The following PLOD2 variants were observed in gnomAD, a reference collection of about 807,000 sequenced individuals.
The protein encoded by PLOD2 is procollagen-lysine,2-oxoglutarate 5-dioxygenase 2.
Under a neutral mutation model 101.0 loss-of-function variants are expected in PLOD2, and 65 were observed. The ratio of observed to expected loss-of-function variants is 0.64; its 90% CI spans 0.53 to 0.79. The LOEUF (loss-of-function observed/expected upper bound fraction) is 0.79. Ranked by LOEUF, PLOD2 falls within the 30% of genes least tolerant of loss-of-function variation. The pLI, the probability that PLOD2 is intolerant of heterozygous loss-of-function variation, is 0.00. For synonymous variants in PLOD2, 314 were observed against 302.9 expected (o/e 1.04, Z -0.38); for missense variants, 909 against 914.6 (o/e 0.99, Z 0.08).
intron 8 of PLOD2, among the ~76,000 whole-genome samples, chr3:146,090,127 CAT>C (rs1211827053): frequency 6.6e-6 from 1 of 150,536 alleles, no homozygotes. Context: ...TATGTATATT[CAT>C]ATATATATGT....
intron 1 of PLOD2, among the ~76,000 whole-genome samples, chr3:146,151,428 C>T (rs1315710386): frequency 5.3e-5 from 8 of 151,932 alleles, no homozygotes; most frequent in South Asian, 2.1e-4. Context: ...ACCCGAGAGG[C>T]GGAGGTTGCA....
intron 1 of PLOD2, among the ~76,000 whole-genome samples, chr3:146,143,520 C>T (rs1057159930): frequency 3.3e-5 from 5 of 152,026 alleles, no homozygotes; most frequent in African/African-American, 1.2e-4. Flanking sequence ...AACCTAGGCA[C>T]CATCCTCTTC....
At chr3:146,143,304 T>C (rs1462855589) in intron 1 of PLOD2, among the ~76,000 whole-genome samples, 1 of 150,392 alleles carries the variant, frequency 6.6e-6, no homozygotes. Context: ...AGTGAGAATA[T>C]AAAAAAAAAG....
intron 1 of PLOD2, among the ~76,000 whole-genome samples, chr3:146,156,841 C>T (rs754455958): frequency 1.3e-5 from 2 of 152,204 alleles, no homozygotes; most frequent in Non-Finnish European, 2.9e-5. Flanking sequence ...GGGGCACAGG[C>T]CCCTCTTCTA....
chr3:146,117,812 T>A (rs1937980507), intron 3 of PLOD2, among the ~76,000 whole-genome samples: 1 of 152,072 alleles, frequency 6.6e-6, no homozygotes, highest in African/African-American at 2.4e-5. Flanking sequence ...TCCTAAAGTA[T>A]CATCTAAATC....
chr3:146,134,876 A>G (rs2031138249), intron 1 of PLOD2, among the ~76,000 whole-genome samples: 1 of 152,222 alleles, frequency 6.6e-6, no homozygotes, highest in South Asian at 2.1e-4. Context: ...TTTATTCTTC[A>G]TAACGGAAAA....
At chr3:146,136,150 A>T (rs2031217222) in intron 1 of PLOD2, among the ~76,000 whole-genome samples, 1 of 152,198 alleles carries the variant, frequency 6.6e-6, no homozygotes, top group Admixed American at 6.5e-5. Context: ...CACACTTCAG[A>T]AATGCCTTCT....
In PLOD2 at chr3:146,102,745, T is replaced by C. The variant is rs779753521; in HGVS notation, c.777+10A>G. The stretch of plus-strand genomic sequence containing the variant: ...CAAGAATTGGCCAAATAAAAGTAAC[T>C]GTTACTTACCTTGGTGGGTCCATTT... On this transcript the variant is annotated intron_variant, in intron 7 of 19. Coordinates refer to ENST00000282903, the MANE Select transcript of PLOD2 (RefSeq NM_182943.3). 1.5e-6 allele frequency: 2 copies of C among 1,352,706 alleles called. No homozygotes were observed. Among genetic ancestry groups the C allele is most frequent in the East Asian group, 2.3e-5 (1 of 43,608 alleles). The allele number at this position is 1,352,706 out of a possible 1,614,324, so 83.8% of individuals were successfully genotyped here.
At chr3:146,160,830 C>G (rs757979167) in intron 1 of PLOD2, 51 bp downstream of exon 1, 9 of 1,165,490 alleles carry the variant, frequency 7.7e-6, no homozygotes, top group Non-Finnish European at 7.5e-6. Flanking sequence ...AATGAACTGC[C>G]CCCCCGCCGG....
Position 146,121,192 on chromosome 3 carries a change from C to A in PLOD2, c.258G>T (p.Gly86=). The change falls in exon 3 of 20, where the codon GGG becomes GGT. Residue 86 remains glycine (G), a synonymous_variant. Transcript: ENST00000282903. ...CTTTCATTAATCTCACTTTCTGGCC[C>A]CCTCCAATACTATTAATTCCATCAC... ...RGGDGINSIG[G]GQKVRLMKEV... is the part of the protein sequence containing the mutation. 7 of 1,607,848 alleles carry A rather than the reference C, an allele frequency of 4.4e-6. No individual in the cohort carries two copies. Among genetic ancestry groups the A allele is most frequent in the Non-Finnish European group, 6.0e-6 (7 of 1,174,584 alleles).
chr3:146,112,621 G>T (rs753468389), intron 3 of PLOD2, among the ~76,000 whole-genome samples: 1 of 152,058 alleles, frequency 6.6e-6, no homozygotes, highest in Non-Finnish European at 1.5e-5. Flanking sequence ...GGGAGGTCAA[G>T]GCGGGCGGAT....
intron 7 of PLOD2, among the ~76,000 whole-genome samples, chr3:146,101,430 CAAAG>C (rs1180232161): frequency 6.6e-6 from 1 of 152,054 alleles, no homozygotes; most frequent in Non-Finnish European, 1.5e-5. Flanking sequence ...AATAAATAGA[CAAAG>C]CAGCAGAGCA....
At chr3:146,089,571 T>C (rs1449382991) in intron 8 of PLOD2, among the ~76,000 whole-genome samples, 2 of 151,616 alleles carry the variant, frequency 1.3e-5, no homozygotes, top group Non-Finnish European at 3.0e-5. Flanking sequence ...TTTAAATACC[T>C]TATACATTAA....
At chr3:146,132,979 C>T (rs1351419930) in intron 1 of PLOD2, among the ~76,000 whole-genome samples, 3 of 152,186 alleles carry the variant, frequency 2.0e-5, no homozygotes, top group Admixed American at 2.0e-4. Flanking sequence ...GAGATCGAGA[C>T]CATCCTGGCT....
chr3:146,093,177 G>C (rs1393097511), intron 7 of PLOD2, among the ~76,000 whole-genome samples: 1 of 152,168 alleles, frequency 6.6e-6, no homozygotes, highest in Non-Finnish European at 1.5e-5. Context: ...TTGGGATCCT[G>C]TTCAAATATT....
intron 1 of PLOD2, among the ~76,000 whole-genome samples, chr3:146,126,327 A>C (rs1479809404): frequency 2.1e-5 from 3 of 146,188 alleles, no homozygotes; most frequent in Admixed American, 7.0e-5. Context: ...TATCATGACT[A>C]TGATAAGAAA....
intron 8 of PLOD2, among the ~76,000 whole-genome samples, chr3:146,089,299 T>G (rs894077443): frequency 6.6e-6 from 1 of 151,548 alleles, no homozygotes; most frequent in Non-Finnish European, 1.5e-5. Context: ...TCTTTAGATA[T>G]GTTTTGGTGT....
At chr3:146,112,444 A>G (rs1321457964) in intron 3 of PLOD2, among the ~76,000 whole-genome samples, 2 of 152,100 alleles carry the variant, frequency 1.3e-5, no homozygotes, top group Non-Finnish European at 2.9e-5. Flanking sequence ...TGGGAGCTGA[A>G]CAATGAGAAT....
At chr3:146,157,052 ATATTTCACTTC>A (rs966922499) in intron 1 of PLOD2, among the ~76,000 whole-genome samples, 4 of 152,228 alleles carry the variant, frequency 2.6e-5, no homozygotes, top group Admixed American at 2.0e-4. Flanking sequence ...AAGGCAGCAG[ATATTTCACTTC>A]TAAGCTGTTA....
Sources: allele counts gnomAD v4.1 joint callset (sites outside exome capture counted in the v4.1 genomes callset), GRCh38; gene constraint gnomAD v4.1.1; transcripts MANE v1.5; gene names NCBI Gene and HGNC (gene_info 2026-07-23, HGNC 2026-07-21).